Variants in VWDE observed in about 807,000 individuals in gnomAD.
The protein encoded by VWDE is von Willebrand factor D and EGF domains.
VWDE carries 207 observed loss-of-function variants against 178.4 expected under a neutral mutation model. The observed-to-expected ratio is 1.16, with a 90% CI of 1.04 to 1.30. The LOEUF (loss-of-function observed/expected upper bound fraction) is 1.30. VWDE is among the 50% of genes most tolerant of loss of function. The pLI is 0.00. For synonymous variants in VWDE, 738 were observed against 651.4 expected (o/e 1.13, Z -2.02); for missense variants, 2,287 against 1,901.3 (o/e 1.20, Z -3.77).
At chr7:12,350,911 T>C (rs976237634) in intron 19 of VWDE, among the ~76,000 whole-genome samples, 3 of 151,546 alleles carry the variant, frequency 2.0e-5, no homozygotes, top group African/African-American at 7.3e-5. Context: ...CAAAACCCCC[T>C]ATTTGCAAAA....
Position 12,357,572 on chromosome 7 carries a change from C to A in VWDE, c.3275-57G>T, listed in dbSNP as rs1000234594. On this transcript the variant is annotated intron_variant, in intron 16 of 28. Coordinates refer to ENST00000275358, the MANE Select transcript of VWDE (RefSeq NM_001135924.3). ...CGTGTAGAAAAAGGAATGAAGTGTA[C>A]TTCTGAGAGCTCCCACAGAGATATG... The A allele has an allele frequency of 2.0e-6, 3 of 1,516,944 alleles. No individual in the cohort carries two copies. In the African/African-American group the frequency reaches 4.2e-5, roughly 21 times the overall value. The allele number at this position is 1,516,944 out of a possible 1,614,324, so 94.0% of individuals were successfully genotyped here. A position where few individuals can be genotyped will look rare whatever the true frequency, so the allele number is the denominator to read the frequency against.
At chr7:12,396,452 A>C (rs1174067711) in intron 1 of VWDE, among the ~76,000 whole-genome samples, 2 of 152,252 alleles carry the variant, frequency 1.3e-5, no homozygotes, top group Non-Finnish European at 2.9e-5. Flanking sequence ...AGGAATTTCA[A>C]GTATTTTTTT....
In VWDE at chr7:12,333,404, G is replaced by A. The variant is rs1398777920; in HGVS notation, c.4758+61C>T. ...AACATTAATTAGTAACAATTACTAAGTAGAAGAGATATGCAAATGTCAATG... is the reference window on the plus strand; with the variant it reads ...AACATTAATTAGTAACAATTACTAAATAGAAGAGATATGCAAATGTCAATG... On this transcript the variant is annotated intron_variant, in intron 28 of 28. Transcript: ENST00000275358. The A allele has an allele frequency of 2.9e-5, 30 of 1,019,510 alleles. No individual in the cohort carries two copies. The South Asian group carries it at 3.2e-4, about 11-fold the overall frequency. The allele number at this position is 1,019,510 out of a possible 1,614,324, so 63.2% of individuals were successfully genotyped here.
At chr7:12,383,779 G>A (rs948250627) in intron 3 of VWDE, among the ~76,000 whole-genome samples, 178 bp from the exon 4 acceptor site, 2 of 152,070 alleles carry the variant, frequency 1.3e-5, no homozygotes, top group Non-Finnish European at 1.5e-5. Flanking sequence ...AAAAGATAAG[G>A]CATCATATTT....
chr7:12,367,048 G>A (rs984685699), intron 13 of VWDE, among the ~76,000 whole-genome samples: 6 of 151,926 alleles, frequency 3.9e-5, no homozygotes, highest in Middle Eastern at 3.2e-3. Flanking sequence ...TAAAAACAAT[G>A]TCTCTTCTTT....
intron 22 of VWDE, 29 bp downstream of exon 22, chr7:12,343,054 A>G (rs1285396477): frequency 6.7e-7 from 1 of 1,502,616 alleles, no homozygotes; most frequent in East Asian, 2.5e-5. Context: ...CAGTTTCATT[A>G]TATCAGACAT....
chr7:12,347,408 T>A (rs947002697), intron 19 of VWDE, among the ~76,000 whole-genome samples: 3 of 152,130 alleles, frequency 2.0e-5, no homozygotes, highest in Non-Finnish European at 2.9e-5. Context: ...TCAATGTTCC[T>A]ATGAAGGTAT....
chr7:12,369,247 A>G (rs1783020857), intron 12 of VWDE, among the ~76,000 whole-genome samples: 2 of 152,142 alleles, frequency 1.3e-5, no homozygotes, highest in Non-Finnish European at 2.9e-5. Context: ...TTCAAAGGAC[A>G]GCTCAGAGGA....
chr7:12,401,708 C>G (rs1784903557), intron 1 of VWDE, among the ~76,000 whole-genome samples: 1 of 152,106 alleles, frequency 6.6e-6, no homozygotes, highest in Non-Finnish European at 1.5e-5. Flanking sequence ...CAAAACAGCA[C>G]AGCCACTTTG....
At chr7:12,393,206 T>C (rs969664871) in intron 2 of VWDE, among the ~76,000 whole-genome samples, 2 of 152,176 alleles carry the variant, frequency 1.3e-5, no homozygotes, top group African/African-American at 4.8e-5. Context: ...TTGCAGGTAA[T>C]ACAGCTAAGC....
chr7:12,390,377 G>T (rs1162395986), intron 2 of VWDE, among the ~76,000 whole-genome samples: 1 of 151,862 alleles, frequency 6.6e-6, no homozygotes, highest in Non-Finnish European at 1.5e-5. Flanking sequence ...GGTGGAAGTG[G>T]TACCCACCTC....
intron 2 of VWDE, among the ~76,000 whole-genome samples, chr7:12,390,959 T>C (rs1344223235): frequency 6.6e-6 from 1 of 152,174 alleles, no homozygotes; most frequent in Non-Finnish European, 1.5e-5. Context: ...GAATTACTTA[T>C]TATAGCAAAA....
chr7:12,336,858 G>T, intron 26 of VWDE, 130 bp downstream of exon 26: 1 of 808,640 alleles, frequency 1.2e-6, no homozygotes, highest in Non-Finnish European at 1.9e-6. Flanking sequence ...ATCTCCTAAA[G>T]CAAGAATAAA....
In VWDE at chr7:12,369,648, TGAGA is replaced by T. The variant is rs769712756; in HGVS notation, c.2654_2657del (p.Leu885GlnfsTer3). 8 of 1,551,574 alleles carry T rather than the reference TGAGA, an allele frequency of 5.2e-6. No homozygotes were observed. The highest frequency in any genetic ancestry group is 7.0e-6 in the Non-Finnish European group (8 of 1,146,898). ...TGCATAAATTGGGGCATTTTAATAC[TGAGA>T]GAATGTCTTCAATTGATGTGCCATA... is the stretch of plus-strand genomic sequence containing the variant. On this transcript the variant is annotated frameshift_variant, in exon 12 of 29. Transcript: ENST00000275358. LOFTEE classifies it high-confidence loss of function.
Position 12,356,094 on chromosome 7 carries a change from G to A in VWDE, c.3745+17C>T, listed in dbSNP as rs763509831. The A allele has an allele frequency of 3.9e-6, 6 of 1,545,612 alleles. No individual in the cohort carries two copies. The highest frequency in any genetic ancestry group is 4.9e-5 in the East Asian group (2 of 40,890). ...GGAGCTTTTCTTTCTAATTTGTTATGAGGAGCAAAATCTTACCTTTGAGCT... is the reference window on the plus strand; with the variant it reads ...GGAGCTTTTCTTTCTAATTTGTTATAAGGAGCAAAATCTTACCTTTGAGCT... On this transcript the variant is annotated intron_variant, in intron 18 of 28. Coordinates refer to ENST00000275358, the MANE Select transcript of VWDE (RefSeq NM_001135924.3).
chr7:12,354,224 G>C (rs555327192), intron 18 of VWDE: 22 of 299,788 alleles, frequency 7.3e-5, no homozygotes, highest in South Asian at 6.6e-4. Context: ...TTTGTATCTA[G>C]TTCAATGCAT....
At chr7:12,379,806 T>C (rs1783740349) in intron 5 of VWDE, among the ~76,000 whole-genome samples, 1 of 152,048 alleles carries the variant, frequency 6.6e-6, no homozygotes, top group Non-Finnish European at 1.5e-5. Context: ...TTTTAAAAAG[T>C]ACTTAAGGCC....
At chr7:12,350,108 T>C (rs1397177083) in intron 19 of VWDE, among the ~76,000 whole-genome samples, 2 of 151,864 alleles carry the variant, frequency 1.3e-5, no homozygotes, top group South Asian at 2.1e-4. Context: ...CAAAAAGAGA[T>C]GAAAAGTATT....
chr7:12,383,387 A>C (rs1783948516), intron 4 of VWDE, 149 bp downstream of exon 4: 2 of 649,854 alleles, frequency 3.1e-6, no homozygotes, highest in Admixed American at 5.6e-5. Context: ...TAAAGGCACG[A>C]TAAAGTTATT....
Sources: allele counts gnomAD v4.1 joint callset (sites outside exome capture counted in the v4.1 genomes callset), GRCh38; gene constraint gnomAD v4.1.1; transcripts MANE v1.5; gene names NCBI Gene and HGNC (gene_info 2026-07-23, HGNC 2026-07-21).